Variants in DOCK1 observed in about 807,000 individuals in gnomAD.
The protein encoded by DOCK1 is dedicator of cytokinesis protein 1.
Under a neutral mutation model 262.7 loss-of-function variants are expected in DOCK1, and 138 were observed. The observed-to-expected ratio is 0.53, with a 90% CI of 0.46 to 0.61. The LOEUF is 0.61. DOCK1 is among the 20% of genes least tolerant of loss of function. The pLI is 0.00. For synonymous variants in DOCK1, 866 were observed against 867.4 expected (o/e 1.00, Z 0.03); for missense variants, 1,908 against 2,370.7 (o/e 0.80, Z 4.05).
chr10:127,383,761 C>T (rs2065949858), intron 37 of DOCK1, among the ~76,000 whole-genome samples: 1 of 152,226 alleles, frequency 6.6e-6, no homozygotes, highest in South Asian at 2.1e-4. Flanking sequence ...TGGCTGAAAA[C>T]AGGGTCAAGC....
intron 29 of DOCK1, among the ~76,000 whole-genome samples, chr10:127,258,909 C>T (rs569458957): frequency 1.2e-4 from 19 of 152,282 alleles, no homozygotes; most frequent in African/African-American, 4.3e-4. Context: ...TCCTTCCCTT[C>T]GACAAATCCA....
intron 29 of DOCK1, among the ~76,000 whole-genome samples, chr10:127,316,429 T>C (rs1170407457): frequency 6.6e-6 from 1 of 152,198 alleles, no homozygotes; most frequent in Non-Finnish European, 1.5e-5. Flanking sequence ...AACGTTGCTT[T>C]TTTATTTCTG....
chr10:126,942,205 A>G (rs1421299031), intron 1 of DOCK1, among the ~76,000 whole-genome samples: 1 of 152,002 alleles, frequency 6.6e-6, no homozygotes, highest in Non-Finnish European at 1.5e-5. Flanking sequence ...TTGTACTTTT[A>G]GTAGAGACAG....
At chr10:127,128,336 A>AT (rs59508487) in intron 27 of DOCK1, among the ~76,000 whole-genome samples, 4,121 of 137,320 alleles carry the variant, frequency 0.03, 192 homozygotes, top group African/African-American at 0.11. Flanking sequence ...ATCTCGTTTA[A>AT]TTTTTTTTTT....
At chr10:127,286,645 T>A (rs556266268) in intron 29 of DOCK1, among the ~76,000 whole-genome samples, 1 of 152,320 alleles carries the variant, frequency 6.6e-6, no homozygotes, top group East Asian at 1.9e-4. Context: ...TTAGGCATTA[T>A]ATCATGTCGT....
In DOCK1 at chr10:126,936,106, C is replaced by T. The variant is rs1023993632; in HGVS notation, c.46+30543C>T. ...AGTGATCTTCCCACCTCAGCCTCCC[C>T]AGTAATTGGGACTACAGGTGCACAC... On this transcript the variant is annotated intron_variant, in intron 1 of 51. Transcript: ENST00000623213. 3.2e-3 allele frequency among the ~76,000 whole-genome samples: 487 copies of T among 152,272 alleles called. 5 individuals carry two copies. In the East Asian group the frequency reaches 0.037, roughly 11 times the overall value.
chr10:127,393,733 C>T (rs2066643201), intron 38 of DOCK1, among the ~76,000 whole-genome samples: 1 of 152,206 alleles, frequency 6.6e-6, no homozygotes, highest in Non-Finnish European at 1.5e-5. Flanking sequence ...ATTTCTTCCC[C>T]ACGGAATCAT....
chr10:126,945,402 G>A (rs912763379), intron 1 of DOCK1, among the ~76,000 whole-genome samples: 1,591 of 152,020 alleles, frequency 0.01, 16 homozygotes, highest in Non-Finnish European at 0.019. Flanking sequence ...GCAGGTGAGT[G>A]GGAGGCAGAG....
chr10:126,918,942 G>T (rs533319537), intron 1 of DOCK1, among the ~76,000 whole-genome samples: 1 of 149,622 alleles, frequency 6.7e-6, no homozygotes, highest in Admixed American at 6.6e-5. Context: ...GAAAGTCAAG[G>T]TGCAGATGGG....
chr10:127,382,145 G>T (rs1410814962), intron 37 of DOCK1, among the ~76,000 whole-genome samples: 1 of 152,134 alleles, frequency 6.6e-6, no homozygotes, highest in African/African-American at 2.4e-5. Flanking sequence ...TAGTTTGGTG[G>T]CATTCCACAA....
At chr10:127,379,407 G>T (rs2065706211) in intron 35 of DOCK1, among the ~76,000 whole-genome samples, 1 of 152,152 alleles carries the variant, frequency 6.6e-6, no homozygotes, top group East Asian at 1.9e-4. Flanking sequence ...TGGAAGGTTT[G>T]CCTGTCTGGA....
intron 16 of DOCK1, among the ~76,000 whole-genome samples, chr10:127,028,280 C>G (rs1035170146): frequency 9.2e-5 from 14 of 152,170 alleles, no homozygotes; most frequent in Non-Finnish European, 4.4e-5. Flanking sequence ...GACCCCAGAC[C>G]AAGTCGGATC....
rs753211393 is a variant in DOCK1, at chr10:127,110,214, C to T, written c.2517-34C>T. 3 of 1,559,602 alleles carry T rather than the reference C, an allele frequency of 1.9e-6. No individual in the cohort carries two copies. In the South Asian group the frequency reaches 3.5e-5, roughly 18 times the overall value. On this transcript the variant is annotated intron_variant, in intron 24 of 51. Transcript: ENST00000623213. Reference sequence around the variant, plus strand: ...AACATTGGATCCTTTTGCTATGTGTCTCAAAATTATTTCCCTTGTGTTTTT... The same window carrying T: ...AACATTGGATCCTTTTGCTATGTGTTTCAAAATTATTTCCCTTGTGTTTTT...
At chr10:126,913,955 C>T (rs1200696651) in intron 1 of DOCK1, among the ~76,000 whole-genome samples, 1 of 152,120 alleles carries the variant, frequency 6.6e-6, no homozygotes, top group Non-Finnish European at 1.5e-5. Context: ...CTCTTTGGGC[C>T]CTTCTGAGGA....
At chr10:126,966,494 G>C (rs2037688108) in intron 1 of DOCK1, among the ~76,000 whole-genome samples, 1 of 152,028 alleles carries the variant, frequency 6.6e-6, no homozygotes, top group Admixed American at 6.6e-5. Flanking sequence ...GTCTATAATG[G>C]CATATTCCCA....
At position 127,125,572 on chromosome 10, in the gene DOCK1, A is replaced by C; in HGVS notation, c.2722A>C (p.Ile908Leu). The change falls in exon 26 of 52, where the codon ATC becomes CTC. Residue 908 changes from isoleucine (I) to leucine (L), a missense_variant. By Grantham distance (5) the Ile-to-Leu change is conservative. Coordinates refer to ENST00000623213, the MANE Select transcript of DOCK1 (RefSeq NM_001290223.2). ...LEACCQLLSHILEVLYRKDVG... is the reference protein window; with the variant it reads ...LEACCQLLSHLLEVLYRKDVG... ...GGCCTGCTGTCAGCTGCTCAGCCAC[A>C]TCCTGGAGGTGCTGTACAGGAAGGA... 2 of 1,613,840 alleles carry C rather than the reference A, an allele frequency of 1.2e-6. No homozygotes were observed. Among genetic ancestry groups the C allele is most frequent in the Non-Finnish European group, 1.7e-6 (2 of 1,179,842 alleles).
chr10:127,166,287 G>C (rs1002051310), intron 27 of DOCK1, among the ~76,000 whole-genome samples: 38 of 152,014 alleles, frequency 2.5e-4, no homozygotes, highest in African/African-American at 8.7e-4. Context: ...GGATGGTCTC[G>C]ATCTCCTGAC....
chr10:127,337,417 T>C (rs1042205033), intron 29 of DOCK1, among the ~76,000 whole-genome samples: 7 of 152,234 alleles, frequency 4.6e-5, no homozygotes, highest in African/African-American at 1.7e-4. Flanking sequence ...TCCTGAATTT[T>C]GCAACTTTTG....
At chr10:127,247,857 C>G in intron 27 of DOCK1, 151 bp from the exon 28 acceptor site, 1 of 686,950 alleles carries the variant, frequency 1.5e-6, no homozygotes, top group Non-Finnish European at 2.5e-6. Context: ...GCTGATCTTC[C>G]CTGAGAGAGG....
Sources: gnomAD v4.1 joint callset for allele counts (sites outside exome capture counted in the v4.1 genomes callset) on GRCh38, gnomAD v4.1.1 for gene constraint, MANE v1.5 for transcripts, NCBI Gene and HGNC (gene_info 2026-07-23, HGNC 2026-07-21) for gene names.